Variants in ALX1 observed in about 807,000 individuals in gnomAD.
ALX1 encodes ALX homeobox protein 1.
A neutral mutation model predicts 31.7 loss-of-function variants in ALX1; 19 were observed. That is an observed-to-expected ratio of 0.60 (90% CI 0.42 to 0.88). ALX1 has a LOEUF of 0.88. ALX1 is among the 40% of genes least tolerant of loss of function. ALX1 has a pLI of 0.00. For missense variants in ALX1, 415 were observed against 407.8 expected (o/e 1.02, Z -0.15); for synonymous variants, 153 against 148.8 (o/e 1.03, Z -0.20).
In ALX1 at chr12:85,301,212, A is replaced by C; in HGVS notation, c.718A>C (p.Met240Leu). 6.2e-7 allele frequency: 1 copy of C among 1,614,042 alleles called. No individual in the cohort carries two copies. The highest frequency in any genetic ancestry group is 8.5e-7 in the Non-Finnish European group (1 of 1,179,954). The change falls in exon 4 of 4, where the codon ATG becomes CTG. Residue 240 changes from methionine to leucine, a missense_variant. Physicochemically the swap from Met to Leu is conservative, Grantham distance 15 (BLOSUM62 2). Around this residue, in one of 3 missense-constraint regions of ALX1, gnomAD observed 174 missense variants for 177.5 expected, o/e 0.98. Coordinates refer to ENST00000316824, the MANE Select transcript of ALX1 (RefSeq NM_006982.3). ...TGGTGGTTCTGTGGTTACTTCATGC[A>C]TGTTACCACGTGACACTTCCTCCTG... The part of the protein sequence containing the change: ...ASGGSVVTSC[M>L]LPRDTSSCMT...
chr12:85,287,834 T>C (rs1435711748), intron 3 of ALX1, among the ~76,000 whole-genome samples: 1 of 151,584 alleles, frequency 6.6e-6, no homozygotes, highest in Non-Finnish European at 1.5e-5. Context: ...TTTTGTTATT[T>C]ATTATTTAAT....
intron 3 of ALX1, among the ~76,000 whole-genome samples, chr12:85,292,586 T>A (rs1303758909): frequency 6.6e-6 from 1 of 151,168 alleles, no homozygotes; most frequent in African/African-American, 2.4e-5. Context: ...TTTTTATAAT[T>A]TAATACATAG....
chr12:85,285,058 G>A (rs1896731468), intron 2 of ALX1, among the ~76,000 whole-genome samples: 1 of 152,006 alleles, frequency 6.6e-6, no homozygotes, highest in Non-Finnish European at 1.5e-5. Context: ...TGCTAACAAA[G>A]AATTTTAGAA....
chr12:85,286,080 A>G (rs1896742695), intron 2 of ALX1, among the ~76,000 whole-genome samples: 1 of 151,956 alleles, frequency 6.6e-6, no homozygotes, highest in Non-Finnish European at 1.5e-5. Flanking sequence ...TATTTCTTAT[A>G]TTATTTCCAT....
chr12:85,284,932 T>A (rs1896729223), intron 2 of ALX1, among the ~76,000 whole-genome samples: 1 of 152,058 alleles, frequency 6.6e-6, no homozygotes, highest in Admixed American at 6.6e-5. Context: ...GGCTCTTACA[T>A]CATTAGAGAC....
Position 85,301,259 on chromosome 12 carries a change from G to T in ALX1, c.765G>T (p.Ser255=). The change falls in exon 4 of 4, where the codon TCG becomes TCT. Residue 255 remains serine (S), a synonymous_variant. Coordinates refer to ENST00000316824, the MANE Select transcript of ALX1 (RefSeq NM_006982.3). The part of the protein sequence containing the change: ...TSSCMTPYSH[S]PRTDSSYTGF... ...CCTGTATGACACCTTATTCTCACTC[G>T]CCTCGGACAGATTCCAGTTACACGG... 1 of 1,613,896 alleles carries T rather than the reference G, an allele frequency of 6.2e-7. No individual in the cohort carries two copies. The highest frequency in any genetic ancestry group is 8.5e-7 in the Non-Finnish European group (1 of 1,179,920).
chr12:85,293,055 T>A (rs1896839321), intron 3 of ALX1, among the ~76,000 whole-genome samples: 1 of 150,806 alleles, frequency 6.6e-6, no homozygotes, highest in Non-Finnish European at 1.5e-5. Context: ...GTATGACTTA[T>A]GACCAAAATG....
chr12:85,296,982 T>G (rs1470273441), intron 3 of ALX1, among the ~76,000 whole-genome samples: 2 of 151,728 alleles, frequency 1.3e-5, no homozygotes. Context: ...CAGAGTGCGA[T>G]TTTGATGGGC....
chr12:85,286,160 A>G (rs1896743847), intron 2 of ALX1, among the ~76,000 whole-genome samples: 1 of 151,960 alleles, frequency 6.6e-6, no homozygotes, highest in Admixed American at 6.6e-5. Flanking sequence ...AATAAGTTGC[A>G]TAATGTATGT....
intron 3 of ALX1, among the ~76,000 whole-genome samples, chr12:85,294,692 T>A (rs1896863732): frequency 6.6e-6 from 1 of 151,190 alleles, no homozygotes; most frequent in African/African-American, 2.4e-5. Flanking sequence ...CTTTTAATTT[T>A]GCACTAAAAG....
At chr12:85,287,340 T>C (rs766089423) in intron 3 of ALX1, among the ~76,000 whole-genome samples, 13 of 151,736 alleles carry the variant, frequency 8.6e-5, no homozygotes, top group Non-Finnish European at 1.6e-4. Context: ...AAATAGAGTG[T>C]TGCTTAGCAT....
chr12:85,297,814 T>G (rs1896909514), intron 3 of ALX1, among the ~76,000 whole-genome samples: 1 of 151,670 alleles, frequency 6.6e-6, no homozygotes, highest in Non-Finnish European at 1.5e-5. Flanking sequence ...AATAAAGAAC[T>G]TCCCAGGTAA....
At chr12:85,289,499 C>T (rs986844950) in intron 3 of ALX1, among the ~76,000 whole-genome samples, 1 of 151,046 alleles carries the variant, frequency 6.6e-6, no homozygotes, top group Non-Finnish European at 1.5e-5. Context: ...AAAAATTTCC[C>T]CCCACAAATC....
intron 3 of ALX1, among the ~76,000 whole-genome samples, chr12:85,294,456 T>C (rs555847070): frequency 4.6e-4 from 70 of 151,334 alleles, no homozygotes; most frequent in African/African-American, 1.6e-3. Context: ...TTGAAAACTT[T>C]CATTTTAAAG....
intron 3 of ALX1, among the ~76,000 whole-genome samples, chr12:85,296,846 C>G (rs1431848095): frequency 6.6e-6 from 1 of 151,464 alleles, no homozygotes; most frequent in African/African-American, 2.4e-5. Context: ...TATATGGTGC[C>G]AGGTATTGTC....
chr12:85,282,099 C>T (rs1407611937), intron 1 of ALX1, among the ~76,000 whole-genome samples: 1 of 152,038 alleles, frequency 6.6e-6, no homozygotes, highest in Non-Finnish European at 1.5e-5. Flanking sequence ...CTGATGCTTC[C>T]CCTCCCCCAT....
intron 3 of ALX1, among the ~76,000 whole-genome samples, chr12:85,288,311 A>G (rs879923751): frequency 2.0e-5 from 3 of 151,490 alleles, no homozygotes; most frequent in Non-Finnish European, 4.4e-5. Flanking sequence ...AATGCCTCCT[A>G]TCTCCTTGCC....
intron 3 of ALX1, among the ~76,000 whole-genome samples, chr12:85,295,701 TGA>T (rs1221278414): frequency 6.6e-6 from 1 of 151,494 alleles, no homozygotes; most frequent in Non-Finnish European, 1.5e-5. Flanking sequence ...GAGAATTGTG[TGA>T]GTGTGCACAT....
At chr12:85,298,961 C>A (rs900243638) in intron 3 of ALX1, among the ~76,000 whole-genome samples, 1 of 151,318 alleles carries the variant, frequency 6.6e-6, no homozygotes, top group Non-Finnish European at 1.5e-5. Context: ...AGGTTACCTC[C>A]CTTGCCTTTA....
Sources: allele counts gnomAD v4.1 joint callset (sites outside exome capture counted in the v4.1 genomes callset), GRCh38; gene constraint gnomAD v4.1.1; regional missense constraint gnomAD v4.1.1; transcripts MANE v1.5; gene names NCBI Gene and HGNC (gene_info 2026-07-23, HGNC 2026-07-21).